The following RNF111 variants were observed in gnomAD, a reference collection of about 807,000 sequenced individuals.
RNF111 encodes E3 ubiquitin-protein ligase Arkadia.
Under a neutral mutation model 95.1 loss-of-function variants are expected in RNF111, and 17 were observed. The ratio of observed to expected loss-of-function variants is 0.18; its 90% confidence interval spans 0.12 to 0.27. The LOEUF is 0.27. Among genes scored for constraint, RNF111 ranks in the 10% least tolerant of loss-of-function variants. The probability of loss-of-function intolerance (pLI) is 1.00; values close to 1 mark genes in which losing one functional copy is unlikely to be tolerated. For missense variants in RNF111, 1,189 were observed against 1,210.4 expected (o/e 0.98, Z 0.26); for synonymous variants, 440 against 414.8 (o/e 1.06, Z -0.74).
At chr15:59,070,697 C>G (rs1369509186) in intron 6 of RNF111, among the ~76,000 whole-genome samples, 1 of 152,140 alleles carries the variant, frequency 6.6e-6, no homozygotes, top group Non-Finnish European at 1.5e-5. Context: ...TTTTCTCTTT[C>G]CCAACTTGAG....
intron 4 of RNF111, among the ~76,000 whole-genome samples, chr15:59,056,353 C>G (rs1324720602): frequency 6.6e-6 from 1 of 151,980 alleles, no homozygotes; most frequent in Non-Finnish European, 1.5e-5. Context: ...ACTGAGGAAA[C>G]AAAACCAGAG....
intron 1 of RNF111, among the ~76,000 whole-genome samples, chr15:59,006,063 C>T (rs1567204883): frequency 6.6e-6 from 1 of 152,148 alleles, no homozygotes; most frequent in Non-Finnish European, 1.5e-5. Flanking sequence ...ATTTTTATCT[C>T]CAGTAGGCGT....
At chr15:59,085,605 G>T (rs1222834656) in intron 9 of RNF111, 54 bp from the exon 10 acceptor site, 9 of 1,516,124 alleles carry the variant, frequency 5.9e-6, no homozygotes, top group African/African-American at 1.4e-5. Flanking sequence ...CCCCATGTCT[G>T]TTGATAAAAA....
At chr15:59,084,657 A>G (rs2078845440) in intron 9 of RNF111, among the ~76,000 whole-genome samples, 2 of 152,122 alleles carry the variant, frequency 1.3e-5, no homozygotes, top group South Asian at 2.1e-4. Flanking sequence ...TTTGAAATAA[A>G]CGGTACGTTA....
chr15:59,010,098 A>G (rs918163206), intron 1 of RNF111, among the ~76,000 whole-genome samples: 42 of 152,218 alleles, frequency 2.8e-4, no homozygotes, highest in Admixed American at 1.3e-4. Flanking sequence ...ATGCCCTCAC[A>G]TGAAATCATG....
chr15:59,071,485 C>G (rs568609425), intron 6 of RNF111, among the ~76,000 whole-genome samples: 2 of 152,056 alleles, frequency 1.3e-5, no homozygotes, highest in African/African-American at 2.4e-5. Flanking sequence ...GAGTTCGAGA[C>G]CACCCTGTGC....
chr15:59,067,163 C>A, intron 6 of RNF111, 80 bp downstream of exon 6: 2 of 1,199,138 alleles, frequency 1.7e-6, no homozygotes, highest in Non-Finnish European at 2.4e-6. Flanking sequence ...TCTCTCTCTT[C>A]CTCTTCCTTC....
At chr15:59,000,163 C>CT (rs71425835) in intron 1 of RNF111, among the ~76,000 whole-genome samples, 4,107 of 132,032 alleles carry the variant, frequency 0.031, 110 homozygotes, top group Non-Finnish European at 0.044. Context: ...TTTTTTTTCC[C>CT]TTTTTTTTTT....
rs2079169779 is a variant in RNF111, at chr15:59,095,912, T to C, written c.*1012T>C. ...ACTTATAAAGGTCCCAGGATCACTT[T>C]TAAGGGATTTTTATTAGTTTAAAGG... is the stretch of plus-strand genomic sequence containing the variant. On this transcript the variant is annotated 3_prime_UTR_variant, in exon 14 of 14. Coordinates refer to ENST00000348370, the MANE Select transcript of RNF111 (RefSeq NM_017610.8). 1 of 397,518 alleles carries C rather than the reference T, an allele frequency of 2.5e-6. No homozygotes were observed. Among genetic ancestry groups the C allele is most frequent in the South Asian group, 1.3e-4 (1 of 7,522 alleles). The allele number at this position is 397,518 out of a possible 1,614,324, so 24.6% of individuals were successfully genotyped here. A position where few individuals can be genotyped will look rare whatever the true frequency, so the allele number is the denominator to read the frequency against.
At position 59,094,893 on chromosome 15, in the gene RNF111, A is replaced by G. The variant is rs1394257754; in HGVS notation, c.2954A>G (p.Glu985Gly). Residue 985 changes from glutamate to glycine, a missense_variant, in exon 14 of 14, where the codon GAA becomes GGA. Transcript: ENST00000348370. ...RVDIEAQLPS[E>G]S ...GACATTGAGGCCCAGCTGCCAAGTGAAAGTTGACACCATGTTTCAGAACTC... is the reference window on the plus strand; with the variant it reads ...GACATTGAGGCCCAGCTGCCAAGTGGAAGTTGACACCATGTTTCAGAACTC... The G allele has an allele frequency of 6.3e-7, 1 of 1,576,158 alleles. No individual in the cohort carries two copies. Among genetic ancestry groups the G allele is most frequent in the South Asian group, 1.1e-5 (1 of 90,234 alleles).
At chr15:59,029,768 T>C (rs2040813843) in intron 1 of RNF111, among the ~76,000 whole-genome samples, 1 of 152,188 alleles carries the variant, frequency 6.6e-6, no homozygotes, top group African/African-American at 2.4e-5. Context: ...GGAAGAAGAT[T>C]TCTAGGGTGC....
intron 6 of RNF111, 138 bp downstream of exon 6, chr15:59,067,221 T>C: frequency 1.4e-6 from 1 of 702,966 alleles, no homozygotes; most frequent in Non-Finnish European, 2.3e-6. Flanking sequence ...CTTTCTTCCC[T>C]CCCTGCCTCC....
At chr15:59,084,846 C>G (rs1427759607) in intron 9 of RNF111, among the ~76,000 whole-genome samples, 2 of 152,046 alleles carry the variant, frequency 1.3e-5, no homozygotes, top group East Asian at 3.8e-4. Context: ...TTTAGAGTTC[C>G]CATGTAAGTA....
chr15:59,069,698 C>T (rs1429550597), intron 6 of RNF111, among the ~76,000 whole-genome samples: 3 of 152,082 alleles, frequency 2.0e-5, no homozygotes. Flanking sequence ...TTGAAGACAA[C>T]AGTTTGAGAC....
chr15:59,041,671 G>A (rs574310004), intron 2 of RNF111, among the ~76,000 whole-genome samples: 21 of 152,306 alleles, frequency 1.4e-4, no homozygotes, highest in African/African-American at 4.8e-4. Context: ...TTGAATAAAG[G>A]ATAAATGCAT....
At position 59,076,028 on chromosome 15, in the gene RNF111, A is replaced by T; in HGVS notation, c.1761A>T (p.Ala587=). Residue 587 remains alanine (A), a synonymous_variant, in exon 7 of 14, where the codon GCA becomes GCT. Transcript: ENST00000348370. ...GTGGCAGTTTTCATGGAGCATCTGC[A>T]TTTGACCCCTGCTGCCCTGTTTCTT... ...HGSGSFHGAS[A]FDPCCPVSSS... 6.2e-7 allele frequency: 1 copy of T among 1,614,214 alleles called. No homozygotes were observed. Among genetic ancestry groups the T allele is most frequent in the East Asian group, 2.2e-5 (1 of 44,880 alleles).
At chr15:59,061,272 C>T (rs1314786692) in intron 5 of RNF111, among the ~76,000 whole-genome samples, 4 of 152,150 alleles carry the variant, frequency 2.6e-5, no homozygotes, top group African/African-American at 9.7e-5. Context: ...CCTTCCAGGA[C>T]CCTATGGAAC....
intron 5 of RNF111, 70 bp from the exon 6 acceptor site, chr15:59,066,694 C>T: frequency 8.6e-7 from 1 of 1,163,722 alleles, no homozygotes; most frequent in South Asian, 1.4e-5. Flanking sequence ...TTATTTATAC[C>T]CCATACCTAT....
Position 59,085,855 on chromosome 15 carries a change from A to T in RNF111, c.2550+70A>T, listed in dbSNP as rs1355474211. 25 of 1,273,248 alleles carry T rather than the reference A, an allele frequency of 2.0e-5. No individual in the cohort carries two copies. In the East Asian group the frequency reaches 6.3e-4, roughly 32 times the overall value. 78.9% of individuals were successfully genotyped at this position (1,273,248 alleles called of 1,614,324 possible). The stretch of plus-strand genomic sequence containing the variant: ...CTTTTCTAAGTATTTTATTGGAAAT[A>T]CTTCACTATATTAATATAGATGTTT... On this transcript the variant is annotated intron_variant, in intron 10 of 13. Transcript: ENST00000348370.
Sources: allele counts gnomAD v4.1 joint callset (sites outside exome capture counted in the v4.1 genomes callset), GRCh38; gene constraint gnomAD v4.1.1; transcripts MANE v1.5; gene names NCBI Gene and HGNC (gene_info 2026-07-23, HGNC 2026-07-21).